DENND4A: variants seen among roughly 807,000 people sequenced by gnomAD.
DENND4A encodes the protein DENN domain containing 4A, also known as C-myc promoter-binding protein.
DENND4A carries 70 observed loss-of-function variants against 199.3 expected under a neutral mutation model. The ratio of observed to expected loss-of-function variants is 0.35; its 90% CI spans 0.29 to 0.43. The LOEUF is 0.43. DENND4A is among the 20% of genes least tolerant of loss of function. The pLI is 1.00. For synonymous variants in DENND4A, 686 were observed against 766.9 expected (o/e 0.89, Z 1.74); for missense variants, 1,723 against 2,255.8 (o/e 0.76, Z 4.78).
intron 2 of DENND4A, among the ~76,000 whole-genome samples, chr15:65,757,641 A>G (rs986304360): frequency 1.3e-5 from 2 of 152,192 alleles, no homozygotes; most frequent in Admixed American, 6.5e-5. Flanking sequence ...TACTTAAACC[A>G]TATGGATGGT....
rs773430874 is a variant in DENND4A, at chr15:65,737,828, T to C, written c.919A>G (p.Ile307Val). The change falls in exon 7 of 33, where the codon ATT (isoleucine) becomes GTT (valine). Residue 307 changes from isoleucine to valine, a missense_variant. Ile to Val is a conservative substitution (Grantham distance 29). Transcript: ENST00000443035. ...ADGKSDSSKT[I>V]HTNKCICLLS... ...AGACAGATGCATTTGTTAGTATGAATTGTTTTGGAACTATCAGACTTCCCA... is the reference window on the plus strand; with the variant it reads ...AGACAGATGCATTTGTTAGTATGAACTGTTTTGGAACTATCAGACTTCCCA... 3.1e-6 allele frequency: 5 copies of C among 1,602,530 alleles called. No individual in the cohort carries two copies. The highest frequency in any genetic ancestry group is 4.3e-6 in the Non-Finnish European group (5 of 1,174,120).
chr15:65,779,235 C>T (rs1395137363), intron 1 of DENND4A, among the ~76,000 whole-genome samples: 1 of 152,040 alleles, frequency 6.6e-6, no homozygotes, highest in African/African-American at 2.4e-5. Context: ...GCGCGTGGAT[C>T]GTCTGGGATC....
intron 1 of DENND4A, among the ~76,000 whole-genome samples, chr15:65,779,838 T>C (rs866078087): frequency 1.3e-5 from 2 of 151,986 alleles, no homozygotes; most frequent in South Asian, 4.1e-4. Context: ...TTAGTAGAGA[T>C]GGGGTTTTGC....
intron 20 of DENND4A, among the ~76,000 whole-genome samples, chr15:65,699,830 A>C (rs1013135910): frequency 6.6e-6 from 1 of 151,104 alleles, no homozygotes; most frequent in Non-Finnish European, 1.5e-5. Flanking sequence ...CAGGCATGGG[A>C]CACCAAGCCC....
At chr15:65,761,636 A>T (rs765727681) in intron 1 of DENND4A, among the ~76,000 whole-genome samples, 198 bp from the exon 2 acceptor site, 3 of 152,188 alleles carry the variant, frequency 2.0e-5, no homozygotes, top group Non-Finnish European at 4.4e-5. Flanking sequence ...TACTTTAAAA[A>T]CAAAACATGC....
At chr15:65,679,353 G>A (rs190638157) in intron 23 of DENND4A, among the ~76,000 whole-genome samples, 3,067 of 151,822 alleles carry the variant, frequency 0.02, 121 homozygotes, top group African/African-American at 0.069. Flanking sequence ...CGCCCGCCTC[G>A]GCCTCCCAAA....
intron 4 of DENND4A, among the ~76,000 whole-genome samples, chr15:65,746,752 T>G (rs796435338): frequency 1.3e-5 from 2 of 151,536 alleles, no homozygotes. Context: ...ACAAGAGCCA[T>G]GTGGAAAGAG....
intron 1 of DENND4A, chr15:65,767,162 A>T (rs1189688898): frequency 1.3e-5 from 2 of 152,234 alleles, no homozygotes; most frequent in Admixed American, 1.3e-4. Flanking sequence ...CACAGTAGAA[A>T]AAAATGAGAA....
At chr15:65,740,840 T>C (rs891004376) in intron 5 of DENND4A, among the ~76,000 whole-genome samples, 3 of 151,832 alleles carry the variant, frequency 2.0e-5, no homozygotes. Context: ...GACACTCCTA[T>C]AGTCCAAGGT....
chr15:65,761,750 G>A (rs1038423366), intron 1 of DENND4A, among the ~76,000 whole-genome samples: 3 of 152,076 alleles, frequency 2.0e-5, no homozygotes, highest in African/African-American at 7.2e-5. Flanking sequence ...ATGTGTACAG[G>A]GCAAAGAGTG....
chr15:65,669,969 T>C, intron 26 of DENND4A, 44 bp from the exon 27 acceptor site: 2 of 1,609,270 alleles, frequency 1.2e-6, no homozygotes, highest in Non-Finnish European at 1.7e-6. Context: ...AGAGATATTA[T>C]AGGGAACATG....
rs761605305 is a variant in DENND4A, at chr15:65,756,408, C to A, written c.43G>T (p.Val15Leu). The change falls in exon 3 of 33, where the codon GTA becomes TTA. Residue 15 changes from valine to leucine, a missense_variant. This residue lies in a region of DENND4A where 725 missense variants were observed against 952.9 expected (regional missense o/e 0.76). Transcript: ENST00000443035. ...TTTGAAACATCAGTTAATCCTGCTA[C>A]AACAAAGTAGTCAGCAACACGAGGC... ...KGPRVADYFV[V>L]AGLTDVSKPL... The A allele has an allele frequency of 6.2e-7, 1 of 1,613,358 alleles. No homozygotes were observed. Among genetic ancestry groups the A allele is most frequent in the Non-Finnish European group, 8.5e-7 (1 of 1,179,678 alleles).
In DENND4A at chr15:65,670,014, T is replaced by C. The variant is rs1476898496; in HGVS notation, c.4639A>G (p.Arg1547Gly). Residue 1547 changes from arginine to glycine, a missense_variant and splice_region_variant, in exon 26 of 33, where the codon AGA becomes GGA. Arg to Gly is a moderately radical substitution (Grantham distance 125). Transcript: ENST00000443035. The stretch of plus-strand genomic sequence containing the variant: ...CATGAAGGAAAAAAATATCATTACC[T>C]TCCAGGTCGTCTTAAATCTCTTATT... ...IEIRDLRRPG[R>G]YFLKSSPSTE... The C allele has an allele frequency of 6.3e-7, 1 of 1,592,488 alleles. No individual in the cohort carries two copies. Among genetic ancestry groups the C allele is most frequent in the Admixed American group, 1.8e-5 (1 of 57,140 alleles).
At chr15:65,722,221 G>A (rs2075668363) in intron 12 of DENND4A, among the ~76,000 whole-genome samples, 1 of 152,136 alleles carries the variant, frequency 6.6e-6, no homozygotes, top group African/African-American at 2.4e-5. Flanking sequence ...GGTGGCTCAT[G>A]CCCGTAATCC....
intron 20 of DENND4A, among the ~76,000 whole-genome samples, chr15:65,698,891 C>T (rs940934459): frequency 1.3e-5 from 2 of 151,884 alleles, no homozygotes; most frequent in African/African-American, 4.8e-5. Context: ...GAATGTGCCA[C>T]CATGCCTAGC....
intron 19 of DENND4A, 116 bp downstream of exon 19, chr15:65,700,935 A>C: frequency 8.1e-7 from 1 of 1,231,540 alleles, no homozygotes; most frequent in African/African-American, 1.6e-5. Context: ...TAATTTGCTT[A>C]ATAAAACTAA....
Position 65,772,247 on chromosome 15 carries a change from C to G in DENND4A, c.-101-10809G>C, listed in dbSNP as rs2077153869. 8.8e-6 allele frequency: 5 copies of G among 567,906 alleles called. No individual in the cohort carries two copies. The South Asian group carries it at 1.2e-4, about 14-fold the overall frequency. 35.2% of individuals were successfully genotyped at this position (567,906 alleles called of 1,614,324 possible). On this transcript the variant is annotated intron_variant, in intron 1 of 32. Coordinates refer to ENST00000443035, the MANE Select transcript of DENND4A (RefSeq NM_001320835.1). The stretch of plus-strand genomic sequence containing the variant: ...GACAGGAAATCATGACTCTGATTCT[C>G]TCATTCACTCATCTGACAAATATTT...
intron 1 of DENND4A, among the ~76,000 whole-genome samples, chr15:65,773,536 G>C: frequency 6.6e-6 from 1 of 152,348 alleles, no homozygotes; most frequent in East Asian, 1.9e-4. Context: ...GTAGGTGATA[G>C]AGGAGAGATG....
At chr15:65,679,203 G>A (rs2076486758) in intron 23 of DENND4A, among the ~76,000 whole-genome samples, 1 of 151,940 alleles carries the variant, frequency 6.6e-6, no homozygotes, top group Non-Finnish European at 1.5e-5. Flanking sequence ...CCAGGTTCAA[G>A]TGATTCTCCT....
Sources: allele counts gnomAD v4.1 joint callset (sites outside exome capture counted in the v4.1 genomes callset), GRCh38; gene constraint gnomAD v4.1.1; regional missense constraint gnomAD v4.1.1; transcripts MANE v1.5; gene names NCBI Gene and HGNC (gene_info 2026-07-23, HGNC 2026-07-21).